The following ASCC3 variants were observed in gnomAD, a reference collection of about 807,000 sequenced individuals.
ASCC3 encodes the protein ASC-1 complex subunit P200.
ASCC3 carries 158 observed loss-of-function variants against 256.3 expected under a neutral mutation model. The observed-to-expected ratio is 0.62, with a 90% confidence interval of 0.54 to 0.70. The LOEUF (loss-of-function observed/expected upper bound fraction) is 0.70. Among genes scored for constraint, ASCC3 ranks in the 30% least tolerant of loss-of-function variants. The pLI is 0.00. For missense variants in ASCC3, 2,259 were observed against 2,626.0 expected, an observed-to-expected ratio of 0.86 and a Z score of 3.05; for synonymous variants, 948 against 883.4, an observed-to-expected ratio of 1.07 and a Z score of -1.30.
chr6:100,537,222 C>G (rs2114656696), intron 37 of ASCC3, among the ~76,000 whole-genome samples: 1 of 152,204 alleles, frequency 6.6e-6, no homozygotes, highest in South Asian at 2.1e-4. Flanking sequence ...TGTCATAAGC[C>G]TCCTGATATG....
chr6:100,800,438 G>T lies in ASCC3; in HGVS notation c.989C>A (p.Ser330Tyr), dbSNP rs373425534. Residue 330 changes from serine (S) to tyrosine (Y), a missense_variant, in exon 6 of 42, where the codon TCT (serine) becomes TAT (tyrosine). Physicochemically the swap from Ser to Tyr is moderately radical, Grantham distance 144 (BLOSUM62 -2). Around this residue, in one of 2 missense-constraint regions of ASCC3, gnomAD observed 420 missense variants for 419.3 expected, o/e 1.00. Coordinates refer to ENST00000369162, the MANE Select transcript of ASCC3 (RefSeq NM_006828.4). ...PNYGCQVTIQSEQEKQLMKQY... is the reference protein window; with the variant it reads ...PNYGCQVTIQYEQEKQLMKQY... ...TTTCATTAACTGCTTTTCTTGTTCA[G>T]ACTGAATAGTGACTTGACAACCATA... is the stretch of plus-strand genomic sequence containing the variant. The T allele has an allele frequency of 5.1e-5, 82 of 1,612,080 alleles. No individual in the cohort carries two copies. The highest frequency in any genetic ancestry group is 6.2e-5 in the Non-Finnish European group (73 of 1,179,146).
At chr6:100,558,239 T>C (rs1769722712) in intron 36 of ASCC3, among the ~76,000 whole-genome samples, 1 of 152,082 alleles carries the variant, frequency 6.6e-6, no homozygotes. Flanking sequence ...TGTCCTGATA[T>C]ATATATTTCT....
chr6:100,758,809 A>T (rs1223837494), intron 10 of ASCC3, among the ~76,000 whole-genome samples: 1 of 152,166 alleles, frequency 6.6e-6, no homozygotes, highest in Non-Finnish European at 1.5e-5. Flanking sequence ...ATCCTTGAGG[A>T]ATCATCATAC....
At chr6:100,768,611 T>C (rs779656781) in intron 8 of ASCC3, among the ~76,000 whole-genome samples, 1 of 152,076 alleles carries the variant, frequency 6.6e-6, no homozygotes, top group African/African-American at 2.4e-5. Context: ...CAAAGGGAAA[T>C]AGGCAAATCC....
Position 100,516,182 on chromosome 6 carries a change from GT to G in ASCC3, c.6072del (p.Lys2024AsnfsTer12), listed in dbSNP as rs761728395. The G allele has an allele frequency of 6.2e-7, 1 of 1,613,566 alleles. No individual in the cohort carries two copies. The highest frequency in any genetic ancestry group is 1.1e-5 in the South Asian group (1 of 91,074). On this transcript the variant is annotated frameshift_variant, in exon 39 of 42. Coordinates refer to ENST00000369162, the MANE Select transcript of ASCC3 (RefSeq NM_006828.4). LOFTEE classifies it high-confidence loss of function. ...AAACACTTAAGAGATGGTCTTACCT[GT>G]TTCGTTTTTGCAGCATGTAGCTCAC... is the stretch of plus-strand genomic sequence containing the variant. ...VESELHAAKT[K>X]QAWNFLSHLP... is the part of the protein sequence containing the mutation.
chr6:100,754,199 A>C (rs567750028), intron 10 of ASCC3, among the ~76,000 whole-genome samples: 1 of 152,344 alleles, frequency 6.6e-6, no homozygotes, highest in Admixed American at 6.5e-5. Context: ...CATAAAATAT[A>C]ACAAGAAATT....
At chr6:100,771,349 C>G (rs1461131853) in intron 8 of ASCC3, among the ~76,000 whole-genome samples, 1 of 152,048 alleles carries the variant, frequency 6.6e-6, no homozygotes, top group Non-Finnish European at 1.5e-5. Context: ...GGAAGAAATT[C>G]TTTGTGAATG....
Position 100,705,676 on chromosome 6 carries a change from C to A in ASCC3, c.2151+9786G>T, listed in dbSNP as rs115434831. On this transcript the variant is annotated intron_variant, in intron 13 of 41. Transcript: ENST00000369162. ...CTGATTGTGGGGAAGAAGGGGCAGG[C>A]AGCATGAGGTAGTAGCAGGAAAAAT... Among the ~76,000 whole-genome samples, 888 of 151,834 alleles carry A rather than the reference C, an allele frequency of 5.8e-3. 12 individuals carry two copies. Among genetic ancestry groups the A allele is most frequent in the African/African-American group, 0.02 (842 of 41,468 alleles).
At chr6:100,635,410 G>C (rs964358808) in intron 25 of ASCC3, among the ~76,000 whole-genome samples, 62 of 152,228 alleles carry the variant, frequency 4.1e-4, no homozygotes, top group African/African-American at 1.2e-3. Flanking sequence ...GAAGGAAAGA[G>C]TAGGATATTG....
At position 100,690,658 on chromosome 6, in the gene ASCC3, C is replaced by T. The variant is rs145646316; in HGVS notation, c.2152-10906G>A. On this transcript the variant is annotated intron_variant, in intron 13 of 41. Coordinates refer to ENST00000369162, the MANE Select transcript of ASCC3 (RefSeq NM_006828.4). ...GATATGCCATGAAAATATAAGCTACCTCAAATAGGGTTAATTTATGCTGCC... is the reference window on the plus strand; with the variant it reads ...GATATGCCATGAAAATATAAGCTACTTCAAATAGGGTTAATTTATGCTGCC... Among the ~76,000 whole-genome samples the T allele has an allele frequency of 1.5e-3, 232 of 152,098 alleles. 1 individual carries two copies. Among genetic ancestry groups the T allele is most frequent in the African/African-American group, 5.4e-3 (226 of 41,490 alleles).
intron 20 of ASCC3, 76 bp from the exon 21 acceptor site, chr6:100,647,527 C>T: frequency 7.5e-7 from 1 of 1,330,374 alleles, no homozygotes; most frequent in Non-Finnish European, 1.1e-6. Context: ...ATTATTCAAA[C>T]TCAGTCTGAA....
chr6:100,682,964 T>A (rs1416650540), intron 13 of ASCC3, among the ~76,000 whole-genome samples: 1 of 152,114 alleles, frequency 6.6e-6, no homozygotes, highest in Non-Finnish European at 1.5e-5. Flanking sequence ...GGTCTAGAAA[T>A]TGAATTATTA....
At chr6:100,765,662 T>C (rs545428386) in intron 10 of ASCC3, among the ~76,000 whole-genome samples, 29 of 152,328 alleles carry the variant, frequency 1.9e-4, no homozygotes, top group African/African-American at 5.8e-4. Flanking sequence ...CCCAATCACA[T>C]TGAGCACATG....
At chr6:100,718,372 T>C (rs1180149356) in intron 11 of ASCC3, 121 bp from the exon 12 acceptor site, 29 of 732,696 alleles carry the variant, frequency 4.0e-5, no homozygotes, top group Non-Finnish European at 5.8e-5. Flanking sequence ...TAGAGGTCAA[T>C]TGAGGGTCCT....
chr6:100,870,172 A>G (rs558807239), intron 1 of ASCC3, among the ~76,000 whole-genome samples: 8 of 152,310 alleles, frequency 5.3e-5, no homozygotes, highest in African/African-American at 1.9e-4. Flanking sequence ...GAACAAATAT[A>G]GAAACCTGAA....
intron 13 of ASCC3, among the ~76,000 whole-genome samples, chr6:100,704,481 A>G (rs920696288): frequency 2.6e-5 from 4 of 152,074 alleles, no homozygotes; most frequent in African/African-American, 9.6e-5. Flanking sequence ...AAGTTTCATT[A>G]TTTAAGTTAG....
At chr6:100,690,093 C>T (rs1005291357) in intron 13 of ASCC3, among the ~76,000 whole-genome samples, 2 of 152,050 alleles carry the variant, frequency 1.3e-5, no homozygotes, top group Non-Finnish European at 2.9e-5. Context: ...GGTTTCAGAA[C>T]CCCTTGTGGA....
chr6:100,682,304 C>T (rs796412480), intron 13 of ASCC3, among the ~76,000 whole-genome samples: 49 of 152,176 alleles, frequency 3.2e-4, no homozygotes, highest in Middle Eastern at 3.4e-3. Context: ...CGAGAGACAA[C>T]GCCCCTGCCC....
rs77040649 is a variant in ASCC3 at position 100,571,902 on chromosome 6, C to G, written c.5550+17732G>C. Among the ~76,000 whole-genome samples, 1,099 of 152,226 alleles carry G rather than the reference C, an allele frequency of 7.2e-3. 11 individuals carry two copies. Among genetic ancestry groups the G allele is most frequent in the African/African-American group, 0.025 (1,056 of 41,522 alleles). On this transcript the variant is annotated intron_variant, in intron 36 of 41. Transcript: ENST00000369162. ...AGTCAGTGAAAACTAGAGTTATCAC[C>G]CACAGGCAGAAACTCTTTTATAATG...
Sources: gnomAD v4.1 joint callset for allele counts (sites outside exome capture counted in the v4.1 genomes callset) on GRCh38, gnomAD v4.1.1 for gene constraint, gnomAD v4.1.1 regional missense constraint, MANE v1.5 for transcripts, NCBI Gene and HGNC (gene_info 2026-07-23, HGNC 2026-07-21) for gene names.